Variants in CTCF observed in about 807,000 individuals in gnomAD.
CTCF encodes the protein transcriptional repressor CTCF.
In CTCF, 7 loss-of-function variants were observed where a neutral mutation model predicts 72.3. The ratio of observed to expected loss-of-function variants is 0.10; its 90% confidence interval spans 0.06 to 0.18. The LOEUF is 0.18. Ranked by LOEUF, CTCF falls within the 10% of genes least tolerant of loss-of-function variation. The probability of loss-of-function intolerance (pLI) is 1.00; values close to 1 mark genes in which losing one functional copy is unlikely to be tolerated. For synonymous variants in CTCF, 374 were observed against 315.8 expected (o/e 1.18, Z -1.95); for missense variants, 516 against 949.1 (o/e 0.54, Z 6.00).
chr16:67,588,416 T>G (rs1163915919), intron 2 of CTCF, among the ~76,000 whole-genome samples: 1 of 152,064 alleles, frequency 6.6e-6, no homozygotes, highest in Admixed American at 6.6e-5. Context: ...CTTCCAGGGA[T>G]ATGGGTCTGC....
At chr16:67,590,597 A>G (rs1006012835) in intron 2 of CTCF, among the ~76,000 whole-genome samples, 4 of 151,264 alleles carry the variant, frequency 2.6e-5, no homozygotes, top group African/African-American at 7.3e-5. Context: ...TCGGCCTCCC[A>G]AAGTGCTGGG....
chr16:67,592,036 T>C (rs1477136996), intron 2 of CTCF, among the ~76,000 whole-genome samples: 1 of 152,034 alleles, frequency 6.6e-6, no homozygotes, highest in Non-Finnish European at 1.5e-5. Context: ...TTGCTTTTTT[T>C]CCCCTCCTTG....
chr16:67,601,346 TG>T (rs2051889204), intron 2 of CTCF, among the ~76,000 whole-genome samples: 2 of 150,046 alleles, frequency 1.3e-5, no homozygotes, highest in South Asian at 2.1e-4. Context: ...TGTTTTGTTT[TG>T]TTTTTTTTTA....
intron 7 of CTCF, among the ~76,000 whole-genome samples, chr16:67,626,290 A>C (rs28433710): frequency 6.9e-6 from 1 of 145,466 alleles, no homozygotes; most frequent in Non-Finnish European, 1.5e-5. Context: ...ATACAAAAAT[A>C]AAAAATAAAA....
Position 67,637,805 on chromosome 16 carries a change from C to T in CTCF, c.2117C>T (p.Pro706Leu), listed in dbSNP as rs1167223790. 1.9e-6 allele frequency: 3 copies of T among 1,612,932 alleles called. No individual in the cohort carries two copies. The Admixed American group carries it at 5.0e-5, about 27-fold the overall frequency. ...PAEGEEEEAQ[P>L]AATDAPNGDL... ...GAGGGAGAGGAAGAGGAGGCCCAGC[C>T]AGCTGCCACAGATGCCCCCAACGGA... The change falls in exon 12 of 12, where the codon CCA (proline) becomes CTA (leucine). Residue 706 changes from proline to leucine, a missense_variant. Pro to Leu is a moderately conservative substitution (Grantham distance 98). Coordinates refer to ENST00000264010, the MANE Select transcript of CTCF (RefSeq NM_006565.4).
At chr16:67,631,877 A>G (rs1189201071) in intron 10 of CTCF, among the ~76,000 whole-genome samples, 1 of 151,628 alleles carries the variant, frequency 6.6e-6, no homozygotes, top group East Asian at 1.9e-4. Context: ...GTTCAAGACC[A>G]GCCTGGGGAA....
At chr16:67,613,535 A>T (rs756398700) in intron 4 of CTCF, among the ~76,000 whole-genome samples, 74 of 152,288 alleles carry the variant, frequency 4.9e-4, no homozygotes, top group Non-Finnish European at 8.8e-4. Flanking sequence ...GCACTTTGGA[A>T]ATCCAATGGG....
At chr16:67,636,984 C>CCTG in intron 11 of CTCF, 133 bp downstream of exon 11, 1 of 806,324 alleles carries the variant, frequency 1.2e-6, no homozygotes, top group South Asian at 3.2e-5. Context: ...AGAACAAACT[C>CCTG]TCAGGAAATG....
chr16:67,584,169 G>A (rs1360566032), intron 2 of CTCF, among the ~76,000 whole-genome samples: 2 of 151,644 alleles, frequency 1.3e-5, no homozygotes, highest in Non-Finnish European at 2.9e-5. Context: ...TCAGGAGTTC[G>A]AGACTAGCTG....
At chr16:67,574,380 C>T (rs1054924150) in intron 2 of CTCF, among the ~76,000 whole-genome samples, 3 of 152,070 alleles carry the variant, frequency 2.0e-5, no homozygotes, top group East Asian at 1.9e-4. Flanking sequence ...CTCACTGTGT[C>T]GCCCAGGCTG....
intron 2 of CTCF, among the ~76,000 whole-genome samples, chr16:67,572,937 GC>G (rs1174765294): frequency 6.0e-4 from 46 of 76,618 alleles, no homozygotes; most frequent in African/African-American, 9.4e-4. Context: ...GACTCTGTCT[GC>G]CCCCCCCCGC....
At chr16:67,578,944 G>A (rs560304673) in intron 2 of CTCF, among the ~76,000 whole-genome samples, 5 of 146,804 alleles carry the variant, frequency 3.4e-5, no homozygotes, top group South Asian at 4.4e-4. Flanking sequence ...GCAAGACTTC[G>A]TCTCAAAAAT....
chr16:67,609,807 G>A (rs554754782), intron 2 of CTCF, among the ~76,000 whole-genome samples: 2 of 152,010 alleles, frequency 1.3e-5, no homozygotes, highest in East Asian at 3.9e-4. Context: ...GTATTTTTTA[G>A]TAGAGACGGG....
chr16:67,573,336 G>A (rs1448175856), intron 2 of CTCF, among the ~76,000 whole-genome samples: 2 of 152,010 alleles, frequency 1.3e-5, no homozygotes, highest in African/African-American at 2.4e-5. Flanking sequence ...GGCTGAGGCA[G>A]GAGAATCACC....
chr16:67,571,364 A>AG (rs1228632407), intron 2 of CTCF, 100 bp downstream of exon 2: 1 of 152,498 alleles, frequency 6.6e-6, no homozygotes, highest in East Asian at 1.9e-4. Context: ...TAGGGGATGC[A>AG]GGATATCAGG....
At chr16:67,620,854 T>C in intron 6 of CTCF, 37 bp downstream of exon 6, 2 of 1,511,994 alleles carry the variant, frequency 1.3e-6, no homozygotes, top group Non-Finnish European at 1.8e-6. Flanking sequence ...TTAATGAGCT[T>C]CTTTTCAGTG....
At chr16:67,632,430 C>T (rs1435397770) in intron 10 of CTCF, among the ~76,000 whole-genome samples, 5 of 152,260 alleles carry the variant, frequency 3.3e-5, no homozygotes, top group Admixed American at 2.6e-4. Flanking sequence ...GGTTCCAGGC[C>T]TTATACCTAG....
chr16:67,606,283 C>T (rs889077935), intron 2 of CTCF, among the ~76,000 whole-genome samples: 4 of 152,178 alleles, frequency 2.6e-5, no homozygotes, highest in African/African-American at 9.7e-5. Flanking sequence ...ATCCTCTGCC[C>T]TCCACTGTCA....
intron 2 of CTCF, among the ~76,000 whole-genome samples, chr16:67,581,961 T>C (rs1167097175): frequency 1.3e-5 from 2 of 151,940 alleles, no homozygotes; most frequent in Non-Finnish European, 2.9e-5. Context: ...CAGTGGCTCA[T>C]GCCTGTAATC....
Sources: allele counts gnomAD v4.1 joint callset (sites outside exome capture counted in the v4.1 genomes callset), GRCh38; gene constraint gnomAD v4.1.1; transcripts MANE v1.5; gene names NCBI Gene and HGNC (gene_info 2026-07-23, HGNC 2026-07-21).